Variants in CLEC16A observed in about 807,000 individuals in gnomAD.
CLEC16A encodes the protein C-type lectin domain containing 16A, also known as protein CLEC16A.
In CLEC16A, 51 loss-of-function variants were observed where a neutral mutation model predicts 109.5. That is an observed-to-expected ratio of 0.47 (90% CI 0.37 to 0.59). The LOEUF (loss-of-function observed/expected upper bound fraction) is 0.59, where lower values mean the gene tolerates loss of function less well. Among genes scored for constraint, CLEC16A ranks in the 20% least tolerant of loss-of-function variants. CLEC16A has a pLI of 0.00. For missense variants in CLEC16A, 1,339 were observed against 1,394.0 expected, an observed-to-expected ratio of 0.96 and a Z score of 0.63; for synonymous variants, 673 against 564.2, an observed-to-expected ratio of 1.19 and a Z score of -2.73.
chr16:11,143,737 G>C (rs928583826), intron 22 of CLEC16A, among the ~76,000 whole-genome samples: 2 of 152,150 alleles, frequency 1.3e-5, no homozygotes, highest in Admixed American at 6.5e-5. Flanking sequence ...GCTGTTAAAG[G>C]CATCTTCCAT....
At chr16:11,112,909 T>G (rs2051697629) in intron 19 of CLEC16A, among the ~76,000 whole-genome samples, 1 of 152,144 alleles carries the variant, frequency 6.6e-6, no homozygotes, top group African/African-American at 2.4e-5. Flanking sequence ...CTGCACAGCC[T>G]TTCATGGTCC....
intron 12 of CLEC16A, chr16:11,024,227 T>G (rs1487338116): frequency 6.5e-6 from 1 of 152,950 alleles, no homozygotes; most frequent in Non-Finnish European, 1.5e-5. Flanking sequence ...TTTTCAGTCT[T>G]CATTGCGCTT....
intron 19 of CLEC16A, among the ~76,000 whole-genome samples, chr16:11,113,782 T>G (rs1028753487): frequency 1.3e-5 from 2 of 152,246 alleles, no homozygotes; most frequent in African/African-American, 4.8e-5. Flanking sequence ...TCCATGTCAT[T>G]GCTCCTTGGT....
Position 11,180,666 on chromosome 16 carries a change from T to G in CLEC16A, c.*1976T>G, listed in dbSNP as rs2068928210. ...GAGACATGCACTTCTGGTTTTGAAA[T>G]GACTCTGTCTGTGGGGCAGCAGAAA... On this transcript the variant is annotated 3_prime_UTR_variant, in exon 24 of 24. Transcript: ENST00000409790. The G allele has an allele frequency of 6.6e-6, 1 of 152,280 alleles. No homozygotes were observed. The highest frequency in any genetic ancestry group is 1.5e-5 in the Non-Finnish European group (1 of 68,096). 9.4% of individuals were successfully genotyped at this position (152,280 alleles called of 1,614,324 possible). A position where few individuals can be genotyped will look rare whatever the true frequency, so the allele number is the denominator to read the frequency against.
At chr16:11,009,053 C>T (rs1316152173) in intron 11 of CLEC16A, among the ~76,000 whole-genome samples, 1 of 152,164 alleles carries the variant, frequency 6.6e-6, no homozygotes, top group South Asian at 2.1e-4. Flanking sequence ...CATCTGTCTT[C>T]AGAATGCTTT....
intron 19 of CLEC16A, among the ~76,000 whole-genome samples, chr16:11,100,202 G>T (rs559729358): frequency 6.6e-6 from 1 of 152,196 alleles, no homozygotes; most frequent in Non-Finnish European, 1.5e-5. Context: ...TTCCTTAACA[G>T]GGAGGTAAGA....
chr16:11,126,496 G>A, intron 22 of CLEC16A: 2 of 990,994 alleles, frequency 2.0e-6, no homozygotes, highest in Non-Finnish European at 2.8e-6. Flanking sequence ...AAGATGACTA[G>A]AAAGAGAGAG....
At chr16:10,997,542 ATTC>A (rs1207210403) in intron 10 of CLEC16A, among the ~76,000 whole-genome samples, 1 of 152,178 alleles carries the variant, frequency 6.6e-6, no homozygotes, top group African/African-American at 2.4e-5. Context: ...TCTCTTAACT[ATTC>A]TTAAGTGTTC....
intron 22 of CLEC16A, among the ~76,000 whole-genome samples, chr16:11,135,400 C>T (rs2053498708): frequency 6.6e-6 from 1 of 152,242 alleles, no homozygotes; most frequent in South Asian, 2.1e-4. Flanking sequence ...CCCCCAAAGA[C>T]ACTTTCCCAA....
At chr16:11,044,279 A>C (rs1233011098) in intron 16 of CLEC16A, 22 of 394,892 alleles carry the variant, frequency 5.6e-5, no homozygotes, top group Non-Finnish European at 9.4e-5. Context: ...AAAATTTTTG[A>C]GGACTCAGCC....
At chr16:11,125,931 C>G (rs746375649) in intron 21 of CLEC16A, 48 bp from the exon 22 acceptor site, 2 of 982,646 alleles carry the variant, frequency 2.0e-6, no homozygotes. Flanking sequence ...TCACCACCCC[C>G]CTCTATCCCA....
chr16:11,114,488 C>T (rs921343001), intron 19 of CLEC16A, among the ~76,000 whole-genome samples: 106 of 152,234 alleles, frequency 7.0e-4, no homozygotes, highest in Non-Finnish European at 3.1e-4. Context: ...CCACATACCA[C>T]GACAGAGCCG....
At chr16:11,144,339 A>T (rs1006502875) in intron 22 of CLEC16A, among the ~76,000 whole-genome samples, 6 of 152,202 alleles carry the variant, frequency 3.9e-5, no homozygotes, top group African/African-American at 1.4e-4. Flanking sequence ...TCAGCTCAGC[A>T]TAGCCCTTGG....
intron 22 of CLEC16A, among the ~76,000 whole-genome samples, chr16:11,135,087 T>G (rs1290058578): frequency 1.3e-5 from 2 of 152,212 alleles, no homozygotes; most frequent in Non-Finnish European, 2.9e-5. Context: ...AGCAGAAGGA[T>G]GACTTCAAAA....
At chr16:11,044,389 TAAA>T (rs2047520891) in intron 16 of CLEC16A, among the ~76,000 whole-genome samples, 1 of 152,226 alleles carries the variant, frequency 6.6e-6, no homozygotes, top group Non-Finnish European at 1.5e-5. Flanking sequence ...CACATATAAA[TAAA>T]TTATATATGA....
chr16:11,078,472 A>G (rs2049514480), intron 19 of CLEC16A, among the ~76,000 whole-genome samples: 1 of 152,188 alleles, frequency 6.6e-6, no homozygotes, highest in South Asian at 2.1e-4. Context: ...CTAATCAGCC[A>G]GAGGCCATCA....
At chr16:11,091,165 T>A (rs1157718468) in intron 19 of CLEC16A, among the ~76,000 whole-genome samples, 2 of 152,214 alleles carry the variant, frequency 1.3e-5, no homozygotes, top group African/African-American at 4.8e-5. Context: ...CAGTTTTCCC[T>A]CCTGTGTTTA....
intron 19 of CLEC16A, among the ~76,000 whole-genome samples, chr16:11,072,831 C>A (rs11865121): frequency 0.4 from 60,725 of 152,086 alleles, 13,246 homozygotes; most frequent in African/African-American, 0.59. Context: ...GGTTCTTTGT[C>A]GGAATCCTAA....
chr16:10,986,513 A>G (rs79099148), intron 10 of CLEC16A, among the ~76,000 whole-genome samples: 13,403 of 152,222 alleles, frequency 0.088, 669 homozygotes, highest in African/African-American at 0.13. Context: ...AGTCACCTGC[A>G]TGACTGATAC....
Sources: gnomAD v4.1 joint callset for allele counts (sites outside exome capture counted in the v4.1 genomes callset) on GRCh38, gnomAD v4.1.1 for gene constraint, MANE v1.5 for transcripts, NCBI Gene and HGNC (gene_info 2026-07-23, HGNC 2026-07-21) for gene names.